Variants in LMBRD2 observed in about 807,000 individuals in gnomAD.
LMBRD2 encodes G protein-coupled receptor-associated protein LMBRD2.
A neutral mutation model predicts 94.4 loss-of-function variants in LMBRD2; 55 were observed. The ratio of observed to expected loss-of-function variants is 0.58; its 90% CI spans 0.47 to 0.73. The LOEUF (loss-of-function observed/expected upper bound fraction) is 0.73. LMBRD2 is among the 30% of genes least tolerant of loss of function. The pLI, the probability that LMBRD2 is intolerant of heterozygous loss-of-function variation, is 0.00. For missense variants in LMBRD2, 640 were observed against 831.9 expected, an observed-to-expected ratio of 0.77 and a Z score of 2.84; for synonymous variants, 246 against 272.4, an observed-to-expected ratio of 0.90 and a Z score of 0.95.
At chr5:36,127,434 C>T (rs1218583696) in intron 6 of LMBRD2, among the ~76,000 whole-genome samples, 2 of 152,182 alleles carry the variant, frequency 1.3e-5, no homozygotes, top group African/African-American at 4.8e-5. Context: ...CAACCTCAGC[C>T]ACTGTTGGCT....
Position 36,098,410 on chromosome 5 carries a change from T to G in LMBRD2, c.*5636A>C, listed in dbSNP as rs1227784670. ...TACTTTCAAACATAAGAAAAAGTAA[T>G]GTGAAAACTAAAGTACACATATTTA... On this transcript the variant is annotated 3_prime_UTR_variant, in exon 18 of 18. Coordinates refer to ENST00000296603, the MANE Select transcript of LMBRD2 (RefSeq NM_001007527.2). 6.6e-6 allele frequency: 1 copy of G among 152,022 alleles called. No individual in the cohort carries two copies. Among genetic ancestry groups the G allele is most frequent in the East Asian group, 1.9e-4 (1 of 5,200 alleles). 9.4% of individuals were successfully genotyped at this position (152,022 alleles called of 1,614,324 possible).
intron 16 of LMBRD2, among the ~76,000 whole-genome samples, chr5:36,106,595 C>G (rs1353986903): frequency 6.6e-6 from 1 of 150,816 alleles, no homozygotes; most frequent in Non-Finnish European, 1.5e-5. Context: ...CTACAACCTC[C>G]TCCTCCTGAG....
At chr5:36,117,229 G>A (rs1315931434) in intron 10 of LMBRD2, among the ~76,000 whole-genome samples, 1 of 152,126 alleles carries the variant, frequency 6.6e-6, no homozygotes, top group Admixed American at 6.6e-5. Flanking sequence ...AGGGCCAAGT[G>A]TGATGGATCC....
chr5:36,113,699 A>G (rs541637588), intron 13 of LMBRD2, among the ~76,000 whole-genome samples: 9 of 152,282 alleles, frequency 5.9e-5, no homozygotes, highest in African/African-American at 1.9e-4. Flanking sequence ...AGCAATGAAC[A>G]TTTTTAAGTA....
At chr5:36,141,331 C>T (rs962785078) in intron 3 of LMBRD2, 129 bp from the exon 4 acceptor site, 1 of 477,854 alleles carries the variant, frequency 2.1e-6, no homozygotes, top group Non-Finnish European at 3.7e-6. Context: ...ATCAATAACC[C>T]ATAAAATTTC....
At chr5:36,149,434 G>A (rs1744633986) in intron 1 of LMBRD2, among the ~76,000 whole-genome samples, 1 of 152,204 alleles carries the variant, frequency 6.6e-6, no homozygotes, top group Admixed American at 6.5e-5. Flanking sequence ...TCTTGAGATA[G>A]GTGGTTATGG....
At chr5:36,107,783 A>G (rs1472856557) in intron 16 of LMBRD2, among the ~76,000 whole-genome samples, 1 of 152,170 alleles carries the variant, frequency 6.6e-6, no homozygotes, top group Admixed American at 6.6e-5. Flanking sequence ...ATTGACTACT[A>G]TGGCTTGGTG....
Position 36,143,402 on chromosome 5 carries a change from CA to C in LMBRD2, c.-54del. The stretch of plus-strand genomic sequence containing the variant: ...AAGTTATTCATGTACAGGTCTGGAC[CA>C]TATCTATAAAGTAAAAAGAAGGTTA... On this transcript the variant is annotated 5_prime_UTR_variant, in exon 2 of 18. The change abolishes an upstream ATG in the 5' untranslated region. Coordinates refer to ENST00000296603, the MANE Select transcript of LMBRD2 (RefSeq NM_001007527.2). 2.9e-6 allele frequency: 4 copies of C among 1,374,468 alleles called. No homozygotes were observed. The highest frequency in any genetic ancestry group is 2.8e-5 in the South Asian group (2 of 71,324). The allele number at this position is 1,374,468 out of a possible 1,614,324, so 85.1% of individuals were successfully genotyped here.
rs1173531099 is a variant in LMBRD2 at position 36,102,137 on chromosome 5, A to G, written c.*1909T>C. On this transcript the variant is annotated 3_prime_UTR_variant, in exon 18 of 18. Coordinates refer to ENST00000296603, the MANE Select transcript of LMBRD2 (RefSeq NM_001007527.2). Reference sequence around the variant, plus strand: ...AAGTACTTGTAAACTTTTCTGTAATAATAAGAAACTGGACCCATTTCTGGG... The same window carrying G: ...AAGTACTTGTAAACTTTTCTGTAATGATAAGAAACTGGACCCATTTCTGGG... The G allele has an allele frequency of 1.3e-5, 2 of 151,968 alleles. No individual in the cohort carries two copies. Among genetic ancestry groups the G allele is most frequent in the Non-Finnish European group, 2.9e-5 (2 of 67,868 alleles). The allele number at this position is 151,968 out of a possible 1,614,324, so 9.4% of individuals were successfully genotyped here. A position where few individuals can be genotyped will look rare whatever the true frequency, so the allele number is the denominator to read the frequency against.
chr5:36,114,005 G>A (rs1249044052), intron 13 of LMBRD2, among the ~76,000 whole-genome samples: 1 of 152,050 alleles, frequency 6.6e-6, no homozygotes, highest in Non-Finnish European at 1.5e-5. Flanking sequence ...TGCTGGCCAT[G>A]GTCTGAAGCA....
chr5:36,124,128 C>T (rs979939394), intron 7 of LMBRD2, 63 bp downstream of exon 7: 2 of 936,304 alleles, frequency 2.1e-6, no homozygotes, highest in Middle Eastern at 2.5e-4. Context: ...TTTTCTGGTA[C>T]TTTTGGTATA....
intron 3 of LMBRD2, among the ~76,000 whole-genome samples, chr5:36,142,192 G>A (rs956086313): frequency 9.2e-5 from 14 of 152,282 alleles, no homozygotes; most frequent in Middle Eastern, 3.4e-3. Context: ...ATCTGAGATA[G>A]GCTGAGAGGA....
At chr5:36,126,353 A>G (rs1367387792) in intron 6 of LMBRD2, among the ~76,000 whole-genome samples, 2 of 152,212 alleles carry the variant, frequency 1.3e-5, no homozygotes, top group African/African-American at 4.8e-5. Flanking sequence ...AACATTTGCT[A>G]TATCTATTAT....
At chr5:36,149,712 G>GT (rs1744643090) in intron 1 of LMBRD2, among the ~76,000 whole-genome samples, 1 of 152,198 alleles carries the variant, frequency 6.6e-6, no homozygotes, top group African/African-American at 2.4e-5. Context: ...TTCGAGACCA[G>GT]CCTGACCAAC....
intron 4 of LMBRD2, 127 bp downstream of exon 4, chr5:36,140,980 T>C: frequency 1.7e-6 from 1 of 579,564 alleles, no homozygotes; most frequent in South Asian, 2.3e-5. Context: ...AGCAGAAAGA[T>C]AAAAATAATG....
intron 16 of LMBRD2, among the ~76,000 whole-genome samples, chr5:36,107,972 T>G (rs1294122613): frequency 6.6e-6 from 1 of 152,164 alleles, no homozygotes; most frequent in Non-Finnish European, 1.5e-5. Flanking sequence ...ACTGGTTTCT[T>G]GGCACCTCCT....
chr5:36,106,055 G>A (rs1743458834), intron 16 of LMBRD2, among the ~76,000 whole-genome samples: 1 of 151,806 alleles, frequency 6.6e-6, no homozygotes, highest in South Asian at 2.1e-4. Context: ...CACTCATTCA[G>A]CAAATCGCAA....
In LMBRD2 at chr5:36,099,901, A is replaced by G. The variant is rs996714237; in HGVS notation, c.*4145T>C. On this transcript the variant is annotated 3_prime_UTR_variant, in exon 18 of 18. Coordinates refer to ENST00000296603, the MANE Select transcript of LMBRD2 (RefSeq NM_001007527.2). ...AATGGCTTGGTACAGAAGGAATCAG[A>G]GGCGAGGACATGTTCCTGCTGCAGT... 1.1e-4 allele frequency: 17 copies of G among 152,262 alleles called. No homozygotes were observed. The highest frequency in any genetic ancestry group is 4.1e-4 in the African/African-American group (17 of 41,564). 9.4% of individuals were successfully genotyped at this position (152,262 alleles called of 1,614,324 possible).
chr5:36,133,366 G>A (rs1478927792), intron 6 of LMBRD2, among the ~76,000 whole-genome samples: 1 of 152,036 alleles, frequency 6.6e-6, no homozygotes, highest in East Asian at 1.9e-4. Context: ...GTAGAGGGGA[G>A]GGTGGGAAGT....
Sources: gnomAD v4.1 joint callset for allele counts (sites outside exome capture counted in the v4.1 genomes callset) on GRCh38, gnomAD v4.1.1 for gene constraint, MANE v1.5 for transcripts, NCBI Gene and HGNC (gene_info 2026-07-23, HGNC 2026-07-21) for gene names.